Variants in NEK1 observed in about 807,000 individuals in gnomAD.
NEK1 encodes NIMA related kinase 1.
NEK1 carries 137 observed loss-of-function variants against 182.1 expected under a neutral mutation model. The observed-to-expected ratio is 0.75, with a 90% CI of 0.65 to 0.87. The LOEUF is 0.87. Ranked by LOEUF, NEK1 falls within the 40% of genes least tolerant of loss-of-function variation. The probability of loss-of-function intolerance (pLI) is 0.00; values close to 1 mark genes in which losing one functional copy is unlikely to be tolerated. For synonymous variants in NEK1, 513 were observed against 492.2 expected (o/e 1.04, Z -0.56); for missense variants, 1,391 against 1,494.4 (o/e 0.93, Z 1.14).
chr4:169,396,365 C>CAAGAAA (rs1730699587), intron 35 of NEK1, among the ~76,000 whole-genome samples: 1 of 38,042 alleles, frequency 2.6e-5, no homozygotes, highest in Non-Finnish European at 4.5e-5. Context: ...GACTCCATCT[C>CAAGAAA]AAAAAAAAAA....
rs767907313 is a variant in NEK1, at chr4:169,417,603, C to T, written c.3222+6950G>A. 8.4e-4 allele frequency among the ~76,000 whole-genome samples: 128 copies of T among 152,156 alleles called. 1 individual carries two copies. Among genetic ancestry groups the T allele is most frequent in the Admixed American group, 1.6e-3 (25 of 15,276 alleles). ...TATTTAAAGCCTTGGGGTCAGATTACTTGGGAAGCAAATGCAAACAGAGAA... is the reference window on the plus strand; with the variant it reads ...TATTTAAAGCCTTGGGGTCAGATTATTTGGGAAGCAAATGCAAACAGAGAA... On this transcript the variant is annotated intron_variant, in intron 31 of 35. Transcript: ENST00000507142.
At chr4:169,441,632 G>T (rs544119954) in intron 27 of NEK1, among the ~76,000 whole-genome samples, 1 of 152,332 alleles carries the variant, frequency 6.6e-6, no homozygotes, top group Admixed American at 6.5e-5. Context: ...CCCTGCTACT[G>T]CCTTGGCAAA....
chr4:169,601,026 A>G (rs992188025), intron 4 of NEK1, among the ~76,000 whole-genome samples: 2 of 152,224 alleles, frequency 1.3e-5, no homozygotes, highest in Non-Finnish European at 2.9e-5. Flanking sequence ...GGAGAAAGAT[A>G]AAGGAAAATT....
intron 19 of NEK1, among the ~76,000 whole-genome samples, chr4:169,523,205 C>T (rs1409190073): frequency 4.6e-5 from 7 of 152,180 alleles, no homozygotes; most frequent in Non-Finnish European, 1.0e-4. Flanking sequence ...AAGTTTGACA[C>T]AGTTACACAG....
At chr4:169,561,934 T>G (rs1052555732) in intron 13 of NEK1, 43 bp from the exon 14 acceptor site, 1 of 1,522,800 alleles carries the variant, frequency 6.6e-7, no homozygotes. Context: ...ATAATTCCTG[T>G]TTTTTCTAGT....
chr4:169,560,568 C>G (rs1017778105), intron 16 of NEK1, among the ~76,000 whole-genome samples: 1 of 152,114 alleles, frequency 6.6e-6, no homozygotes, highest in Non-Finnish European at 1.5e-5. Context: ...ACCACTTATA[C>G]TCAAGGGAAT....
intron 23 of NEK1, among the ~76,000 whole-genome samples, chr4:169,505,982 T>C (rs1419877440): frequency 2.0e-5 from 3 of 152,010 alleles, no homozygotes; most frequent in Non-Finnish European, 4.4e-5. Context: ...TGAGTAAATG[T>C]AGAAATTTAA....
At chr4:169,563,080 A>G (rs1763165631) in intron 12 of NEK1, among the ~76,000 whole-genome samples, 1 of 152,056 alleles carries the variant, frequency 6.6e-6, no homozygotes, top group Non-Finnish European at 1.5e-5. Context: ...TGGGGGCGGG[A>G]CTGATGTGGT....
At position 169,602,499 on chromosome 4, in the gene NEK1, T is replaced by G; in HGVS notation, c.117+15A>C. ...TAAACCATTACTCATGAAACCAAAC[T>G]AAAAATATACTTACTCTTGAGATGT... On this transcript the variant is annotated intron_variant, in intron 3 of 35. Transcript: ENST00000507142. 1 of 1,387,674 alleles carries G rather than the reference T, an allele frequency of 7.2e-7. No homozygotes were observed. The highest frequency in any genetic ancestry group is 1.0e-6 in the Non-Finnish European group (1 of 978,246). 86.0% of individuals were successfully genotyped at this position (1,387,674 alleles called of 1,614,324 possible).
chr4:169,440,873 A>G (rs186014543), intron 27 of NEK1, among the ~76,000 whole-genome samples: 2 of 152,294 alleles, frequency 1.3e-5, no homozygotes, highest in South Asian at 2.1e-4. Context: ...TGGATCTCAC[A>G]CAGCATCCTG....
intron 27 of NEK1, among the ~76,000 whole-genome samples, chr4:169,462,616 T>C (rs1014907746): frequency 6.6e-6 from 1 of 151,328 alleles, no homozygotes; most frequent in Non-Finnish European, 1.5e-5. Flanking sequence ...AGAAAAAGAG[T>C]GAGAGAGATA....
chr4:169,451,900 GAAGAA>G (rs1453818555), intron 27 of NEK1, among the ~76,000 whole-genome samples: 27 of 152,160 alleles, frequency 1.8e-4, no homozygotes, highest in African/African-American at 5.1e-4. Context: ...GACTAATAAA[GAAGAA>G]AAGACAGAAG....
In NEK1 at chr4:169,477,227, T is replaced by C; in HGVS notation, c.2331A>G (p.Lys777=). The part of the protein sequence containing the change: ...NVHEDAKEHE[K]EKSVSSDRKK... ...TGCGATCAGATGAAACTGATTTTTC[T>C]TTTTCATGCTCTTTGGCATCTTCAT... The change falls in exon 26 of 36, where the codon AAA becomes AAG. Residue 777 remains lysine, a synonymous_variant. Coordinates refer to ENST00000507142, the MANE Select transcript of NEK1 (RefSeq NM_001199397.3). The C allele has an allele frequency of 1.2e-6, 2 of 1,604,992 alleles. No individual in the cohort carries two copies. Among genetic ancestry groups the C allele is most frequent in the South Asian group, 1.1e-5 (1 of 89,448 alleles).
chr4:169,457,013 G>C (rs1203094067), intron 27 of NEK1, among the ~76,000 whole-genome samples: 1 of 152,044 alleles, frequency 6.6e-6, no homozygotes, highest in East Asian at 1.9e-4. Context: ...TAAAATAACT[G>C]AACTCATGGT....
chr4:169,458,541 A>C (rs1197552896), intron 27 of NEK1, among the ~76,000 whole-genome samples: 1 of 152,188 alleles, frequency 6.6e-6, no homozygotes, highest in Admixed American at 6.6e-5. Context: ...CAGCCTAAGC[A>C]ACACGGAGAA....
At chr4:169,568,810 G>A (rs1050486276) in intron 12 of NEK1, among the ~76,000 whole-genome samples, 8 of 151,866 alleles carry the variant, frequency 5.3e-5, no homozygotes, top group African/African-American at 1.9e-4. Context: ...GGTGGCACAT[G>A]CCTGTAATCC....
At chr4:169,462,050 TTTAA>T (rs1744068624) in intron 27 of NEK1, among the ~76,000 whole-genome samples, 1 of 152,266 alleles carries the variant, frequency 6.6e-6, no homozygotes, top group Non-Finnish European at 1.5e-5. Context: ...ATTGCATATA[TTTAA>T]TTAATAAAAC....
At chr4:169,509,292 T>C (rs1403582821) in intron 19 of NEK1, among the ~76,000 whole-genome samples, 1 of 152,138 alleles carries the variant, frequency 6.6e-6, no homozygotes, top group East Asian at 1.9e-4. Context: ...ATGGGTTGTA[T>C]ATTAATTAAG....
At chr4:169,446,081 T>A (rs1184873351) in intron 27 of NEK1, among the ~76,000 whole-genome samples, 2 of 151,732 alleles carry the variant, frequency 1.3e-5, no homozygotes, top group Non-Finnish European at 2.9e-5. Flanking sequence ...CTGGAAAGTG[T>A]GGCTGGTTAA....
Sources: allele counts gnomAD v4.1 joint callset (sites outside exome capture counted in the v4.1 genomes callset), GRCh38; gene constraint gnomAD v4.1.1; transcripts MANE v1.5; gene names NCBI Gene and HGNC (gene_info 2026-07-23, HGNC 2026-07-21).